DNAH7: variants seen among roughly 807,000 people sequenced by gnomAD.
DNAH7 encodes the protein dynein axonemal heavy chain 7.
In DNAH7, 397 loss-of-function variants were observed where a neutral mutation model predicts 444.6. The observed-to-expected ratio is 0.89, with a 90% CI of 0.82 to 0.97. The LOEUF is 0.97. DNAH7 is among the 50% of genes least tolerant of loss of function. The pLI is 0.00. For synonymous variants in DNAH7, 1,636 were observed against 1,624.4 expected (o/e 1.01, Z -0.17); for missense variants, 4,902 against 4,800.8 (o/e 1.02, Z -0.62).
At chr2:195,871,156 T>C (rs1700663107) in intron 40 of DNAH7, among the ~76,000 whole-genome samples, 1 of 152,178 alleles carries the variant, frequency 6.6e-6, no homozygotes, top group African/African-American at 2.4e-5. Context: ...TGGACATATA[T>C]TTGAATGTGT....
chr2:195,919,955 T>C (rs1302123329), intron 24 of DNAH7, among the ~76,000 whole-genome samples: 1 of 152,168 alleles, frequency 6.6e-6, no homozygotes, highest in Non-Finnish European at 1.5e-5. Flanking sequence ...GGAGAGACCT[T>C]GGCCAGAGGT....
At chr2:195,839,123 T>C (rs1265978828) in intron 47 of DNAH7, among the ~76,000 whole-genome samples, 2 of 151,740 alleles carry the variant, frequency 1.3e-5, no homozygotes, top group Non-Finnish European at 3.0e-5. Context: ...TTTTATGCTA[T>C]AAAACAAACC....
Position 195,897,754 on chromosome 2 carries a change from T to A in DNAH7, c.4560A>T (p.Pro1520=). 1 of 1,559,990 alleles carries A rather than the reference T, an allele frequency of 6.4e-7. No individual in the cohort carries two copies. The highest frequency in any genetic ancestry group is 8.7e-7 in the Non-Finnish European group (1 of 1,152,256). ...GCAGCAAAATTTCTTCATTTTCATT[T>A]GGATATTTCAGCTAAAAAAAAAAAA... The part of the protein sequence containing the change: ...TAAGNLKLKY[P]NENEEILLLR... The change falls in exon 29 of 65, where the codon CCA becomes CCT. Residue 1520 remains proline, a synonymous_variant. Coordinates refer to ENST00000312428, the MANE Select transcript of DNAH7 (RefSeq NM_018897.3).
In DNAH7 at chr2:195,917,775, C is replaced by T. The variant is rs1296163955; in HGVS notation, c.3935+4313G>A. ...ACTCAAGTGATCCTCCTGCCTCAGC[C>T]TTCAATGTAGCTAGGACTAAAGGTG... On this transcript the variant is annotated intron_variant, in intron 24 of 64. Coordinates refer to ENST00000312428, the MANE Select transcript of DNAH7 (RefSeq NM_018897.3). Among the ~76,000 whole-genome samples, 5 of 152,302 alleles carry T rather than the reference C, an allele frequency of 3.3e-5. No individual in the cohort carries two copies. In the East Asian group the frequency reaches 5.8e-4, roughly 18 times the overall value.
chr2:195,770,134 C>CCACCTCCCTCTGCCTCCAATG (rs1694765652), intron 61 of DNAH7, among the ~76,000 whole-genome samples: 1 of 152,110 alleles, frequency 6.6e-6, no homozygotes, highest in Non-Finnish European at 1.5e-5. Context: ...TCATAAGCAG[C>CCACCTCCCTCTGCCTCCAATG]CACCTCCCTC....
Position 195,816,667 on chromosome 2 carries a change from G to T in DNAH7, c.9722C>A (p.Ser3241Tyr), listed in dbSNP as rs762255560. ...TTCTGATTTCTCTGAATTTTCAATAGACAGGATGAAAAGGTTAATAAACCA... is the reference window on the plus strand; with the variant it reads ...TTCTGATTTCTCTGAATTTTCAATATACAGGATGAAAAGGTTAATAAACCA... The part of the protein sequence containing the change: ...LTWFINLFIL[S>Y]IENSEKSEIL... Residue 3241 changes from serine to tyrosine, a missense_variant, in exon 51 of 65, where the codon TCT becomes TAT. Ser to Tyr is a moderately radical substitution (Grantham distance 144). Transcript: ENST00000312428. The T allele has an allele frequency of 5.6e-6, 9 of 1,613,190 alleles. No homozygotes were observed. In the South Asian group the frequency reaches 9.9e-5, roughly 18 times the overall value.
intron 61 of DNAH7, among the ~76,000 whole-genome samples, chr2:195,757,251 T>C (rs1694122359): frequency 1.3e-5 from 2 of 152,208 alleles, no homozygotes; most frequent in Admixed American, 1.3e-4. Context: ...TACAGTTCTA[T>C]ACTGCATTCT....
chr2:195,800,273 C>T (rs1696382859), intron 54 of DNAH7, among the ~76,000 whole-genome samples: 1 of 152,092 alleles, frequency 6.6e-6, no homozygotes, highest in African/African-American at 2.4e-5. Context: ...TCAAAGTACA[C>T]CAATAATTAA....
intron 61 of DNAH7, among the ~76,000 whole-genome samples, chr2:195,768,748 T>C (rs747686498): frequency 1.3e-5 from 2 of 152,182 alleles, no homozygotes; most frequent in African/African-American, 2.4e-5. Flanking sequence ...CCTTCTATAA[T>C]TGCAATTCTT....
rs141318924 is a variant in DNAH7 at position 196,029,780 on chromosome 2, G to A, written c.399-1733C>T. 1.2e-3 allele frequency among the ~76,000 whole-genome samples: 182 copies of A among 152,222 alleles called. 1 individual carries two copies. In the Middle Eastern group the frequency reaches 0.02, roughly 17 times the overall value. ...TGCTTATTCCGTTCAGAAATAAAAC[G>A]ATCAATAGAGGAGACATGTGGCCTG... On this transcript the variant is annotated intron_variant, in intron 5 of 64. Transcript: ENST00000312428.
rs547336976 is a variant in DNAH7 at position 195,748,923 on chromosome 2, T to C, written c.11764+5414A>G. ...GGCATTACCATTCAGGACATAGGCA[T>C]GGGCAAGGACTTCATGTCTAAAACA... On this transcript the variant is annotated intron_variant, in intron 63 of 64. Coordinates refer to ENST00000312428, the MANE Select transcript of DNAH7 (RefSeq NM_018897.3). 5.0e-4 allele frequency among the ~76,000 whole-genome samples: 76 copies of C among 152,256 alleles called. 2 individuals are homozygous for C. The highest frequency in any genetic ancestry group is 1.8e-3 in the African/African-American group (75 of 41,504).
intron 19 of DNAH7, among the ~76,000 whole-genome samples, chr2:195,954,895 T>C (rs888650035): frequency 6.6e-6 from 1 of 152,216 alleles, no homozygotes; most frequent in African/African-American, 2.4e-5. Flanking sequence ...TGTAAATTTG[T>C]TGGAGTTCTT....
In DNAH7 at chr2:195,857,417, C is replaced by A. The variant is rs1217766059; in HGVS notation, c.8374G>T (p.Gly2792Cys). Residue 2792 changes from glycine to cysteine, a missense_variant, in exon 44 of 65, where the codon GGT (glycine) becomes TGT (cysteine). Transcript: ENST00000312428. ...KIRNASTAAE[G>C]LCKWVIAMDS... The stretch of plus-strand genomic sequence containing the variant: ...ATTGCTATGACCCATTTGCACAGAC[C>A]TTCGGCCGCTGTAGAAGCATTTCTG... 6.2e-7 allele frequency: 1 copy of A among 1,608,050 alleles called. No homozygotes were observed. The highest frequency in any genetic ancestry group is 8.5e-7 in the Non-Finnish European group (1 of 1,177,756).
chr2:195,781,978 C>T (rs1458838754), intron 58 of DNAH7, among the ~76,000 whole-genome samples: 3 of 77,204 alleles, frequency 3.9e-5, no homozygotes, highest in Non-Finnish European at 8.5e-5. Context: ...GGGTCTTATA[C>T]ACACACACAC....
intron 9 of DNAH7, among the ~76,000 whole-genome samples, chr2:196,018,280 A>G (rs1695150148): frequency 1.3e-5 from 2 of 152,000 alleles, no homozygotes; most frequent in South Asian, 2.1e-4. Context: ...TAATACACAT[A>G]GTTAGAATTT....
rs748489103 is a variant in DNAH7 at position 195,796,545 on chromosome 2, C to A, written c.10515+31G>T. The stretch of plus-strand genomic sequence containing the variant: ...TATTACTAATTAGATCCAGGGAATG[C>A]AATCTAATAAGTATAAACTTGCATT... On this transcript the variant is annotated intron_variant, in intron 56 of 64. Transcript: ENST00000312428. The A allele has an allele frequency of 1.9e-6, 3 of 1,609,832 alleles. No individual in the cohort carries two copies. In the Admixed American group the frequency reaches 5.0e-5, roughly 27 times the overall value.
intron 48 of DNAH7, among the ~76,000 whole-genome samples, chr2:195,830,257 G>A (rs1392631285): frequency 6.6e-6 from 1 of 152,086 alleles, no homozygotes; most frequent in African/African-American, 2.4e-5. Context: ...CAAGCACACA[G>A]CCACTAATAC....
intron 21 of DNAH7, 41 bp downstream of exon 21, chr2:195,934,550 T>C: frequency 6.3e-7 from 1 of 1,575,366 alleles, no homozygotes; most frequent in Non-Finnish European, 8.7e-7. Flanking sequence ...ACATTCATAT[T>C]CTAGCATCCT....
At chr2:195,827,727 G>A (rs1164057276) in intron 48 of DNAH7, among the ~76,000 whole-genome samples, 3 of 151,272 alleles carry the variant, frequency 2.0e-5, no homozygotes, top group African/African-American at 7.3e-5. Context: ...TATAGGCATG[G>A]ACCACCAGGC....
Sources: allele counts gnomAD v4.1 joint callset (sites outside exome capture counted in the v4.1 genomes callset), GRCh38; gene constraint gnomAD v4.1.1; transcripts MANE v1.5; gene names NCBI Gene and HGNC (gene_info 2026-07-23, HGNC 2026-07-21).